Variants in RALGPS1 observed in about 807,000 individuals in gnomAD.
RALGPS1 encodes the protein ras-specific guanine nucleotide-releasing factor RalGPS1.
RALGPS1 carries 19 observed loss-of-function variants against 78.8 expected under a neutral mutation model. The observed-to-expected ratio is 0.24, with a 90% CI of 0.17 to 0.35. The LOEUF is 0.35. Ranked by LOEUF, RALGPS1 falls within the 10% of genes least tolerant of loss-of-function variation. RALGPS1 has a pLI of 1.00. For synonymous variants in RALGPS1, 228 were observed against 256.3 expected, an observed-to-expected ratio of 0.89 and a Z score of 1.06; for missense variants, 454 against 688.3, an observed-to-expected ratio of 0.66 and a Z score of 3.81.
Position 127,195,188 on chromosome 9 carries a change from A to G in RALGPS1, c.1008A>G (p.Arg336=). 6.2e-7 allele frequency: 1 copy of G among 1,612,008 alleles called. No homozygotes were observed. The highest frequency in any genetic ancestry group is 8.5e-7 in the Non-Finnish European group (1 of 1,179,972). ...AGSLPTPPVP[R]HRKSHSLGNN... is the part of the protein sequence containing the mutation. Reference sequence around the variant, plus strand: ...GCCTCCCCACACCTCCAGTCCCCAGACACAGGAAGAGCCACAGCCTAGGCA... The same window carrying G: ...GCCTCCCCACACCTCCAGTCCCCAGGCACAGGAAGAGCCACAGCCTAGGCA... Residue 336 remains arginine, a synonymous_variant, in exon 12 of 19, where the codon AGA becomes AGG. Transcript: ENST00000259351.
intron 11 of RALGPS1, among the ~76,000 whole-genome samples, chr9:127,176,354 C>G (rs1483810058): frequency 2.0e-5 from 3 of 152,140 alleles, no homozygotes; most frequent in Non-Finnish European, 4.4e-5. Context: ...AACACCTTCC[C>G]CCTCGGTCAG....
intron 7 of RALGPS1, among the ~76,000 whole-genome samples, chr9:127,062,257 C>T (rs1174460098): frequency 6.6e-6 from 1 of 152,042 alleles, no homozygotes; most frequent in African/African-American, 2.4e-5. Context: ...ACCACCATGC[C>T]CGGCTAATTT....
chr9:126,958,875 C>T (rs2038614380), intron 1 of RALGPS1, among the ~76,000 whole-genome samples: 1 of 152,182 alleles, frequency 6.6e-6, no homozygotes, highest in South Asian at 2.1e-4. Flanking sequence ...ATTCTGCCTT[C>T]CCACCAGCAA....
At chr9:127,074,895 T>C (rs964639607) in intron 8 of RALGPS1, among the ~76,000 whole-genome samples, 1 of 152,248 alleles carries the variant, frequency 6.6e-6, no homozygotes, top group Admixed American at 6.5e-5. Context: ...ACCTGTGTCC[T>C]CTGGCTATTT....
intron 3 of RALGPS1, among the ~76,000 whole-genome samples, chr9:126,968,791 A>G (rs886161269): frequency 2.6e-5 from 4 of 152,186 alleles, no homozygotes; most frequent in African/African-American, 9.6e-5. Flanking sequence ...GCTCATGCCT[A>G]TAATCCCAGC....
At chr9:127,190,875 T>G (rs2060990213) in intron 11 of RALGPS1, among the ~76,000 whole-genome samples, 1 of 152,216 alleles carries the variant, frequency 6.6e-6, no homozygotes, top group Non-Finnish European at 1.5e-5. Context: ...TTCCTGTTCC[T>G]CCCCTTCTGC....
At chr9:126,960,796 A>C (rs2038838791) in intron 1 of RALGPS1, among the ~76,000 whole-genome samples, 1 of 151,952 alleles carries the variant, frequency 6.6e-6, no homozygotes, top group Non-Finnish European at 1.5e-5. Flanking sequence ...CCTTCCCCCA[A>C]ATCTGCTATG....
chr9:127,213,992 A>C (rs2062432530), intron 17 of RALGPS1: 2 of 152,180 alleles, frequency 1.3e-5, no homozygotes, highest in South Asian at 4.1e-4. Context: ...TAAATTACCA[A>C]GTTCTCTGCT....
intron 8 of RALGPS1, chr9:127,069,856 A>G (rs45449700): frequency 0.38 from 57,198 of 152,238 alleles, 12,594 homozygotes; most frequent in Non-Finnish European, 0.48. Context: ...TATTTGCTTC[A>G]TATCTTATTG....
At position 127,004,255 on chromosome 9, in the gene RALGPS1, C is replaced by T. The variant is rs144902087; in HGVS notation, c.216+26510C>T. Among the ~76,000 whole-genome samples, 14 of 152,312 alleles carry T rather than the reference C, an allele frequency of 9.2e-5. No homozygotes were observed. In the East Asian group the frequency reaches 2.7e-3, roughly 29 times the overall value. ...TTGCCTCTCAGATTCAAGTGATTCT[C>T]CTGCCTCAGCCTCCCAAGCAGCTGG... On this transcript the variant is annotated intron_variant, in intron 4 of 18. Transcript: ENST00000259351.
intron 4 of RALGPS1, among the ~76,000 whole-genome samples, chr9:127,028,589 T>G (rs539930603): frequency 2.0e-5 from 3 of 152,298 alleles, no homozygotes; most frequent in African/African-American, 7.2e-5. Flanking sequence ...CCTGTGTGCC[T>G]CCTCCATCTG....
chr9:126,994,978 A>G (rs144622817), intron 4 of RALGPS1, among the ~76,000 whole-genome samples: 8,180 of 152,120 alleles, frequency 0.054, 251 homozygotes, highest in South Asian at 0.097. Flanking sequence ...ACAAGCAAAT[A>G]CTGAGAGATT....
rs145033346 is a variant in RALGPS1, at chr9:126,929,704, T to A, written c.-66+14729T>A. 8.0e-3 allele frequency among the ~76,000 whole-genome samples: 1,221 copies of A among 152,296 alleles called. 24 individuals are homozygous for A. The highest frequency in any genetic ancestry group is 0.028 in the African/African-American group (1,154 of 41,536). ...GTCTTGAACTCCCTACCTCAGGTAA[T>A]CTGCCTGCCTTGGCCTCCCAAAGTG... On this transcript the variant is annotated intron_variant, in intron 1 of 18. Transcript: ENST00000259351.
Position 127,188,832 on chromosome 9 carries a change from T to TTAAAAAAAAAAAAAAAAAAAAAAAAA in RALGPS1, c.911-6259_911-6258insTAAAAAAAAAAAAAAAAAAAAAAAAA, listed in dbSNP as rs756481918. On this transcript the variant is annotated intron_variant, in intron 11 of 18. Coordinates refer to ENST00000259351, the MANE Select transcript of RALGPS1 (RefSeq NM_014636.3). ...AAAGACTAAGAAACCCCATCTCTAC[T>TTAAAAAAAAAAAAAAAAAAAAAAAAA]AAAAAAAAAAAAAAAAATGTAGCCA... 9.4e-3 allele frequency among the ~76,000 whole-genome samples: 820 copies of TTAAAAAAAAAAAAAAAAAAAAAAAAA among 87,294 alleles called. 188 individuals are homozygous for TTAAAAAAAAAAAAAAAAAAAAAAAAA. The highest frequency in any genetic ancestry group is 0.036 in the Middle Eastern group (5 of 138). The allele number at this position is 87,294 out of a possible 152,430, so 57.3% of individuals were successfully genotyped here.
chr9:126,984,361 C>T (rs1264012772), intron 4 of RALGPS1, among the ~76,000 whole-genome samples: 1 of 152,202 alleles, frequency 6.6e-6, no homozygotes, highest in Non-Finnish European at 1.5e-5. Context: ...CCTCAGCCTC[C>T]CCAGTAGCTG....
intron 8 of RALGPS1, among the ~76,000 whole-genome samples, chr9:127,142,529 T>C (rs2057849367): frequency 6.6e-6 from 1 of 152,048 alleles, no homozygotes; most frequent in Non-Finnish European, 1.5e-5. Flanking sequence ...CCATGGAGTG[T>C]CCAAACAGGT....
rs562779860 is a variant in RALGPS1, at chr9:127,174,359, C to T, written c.843-356C>T. The stretch of plus-strand genomic sequence containing the variant: ...AAAAACTAACTCTGGTTCAGGGTCA[C>T]ACATTCCTGGGTTTGATCCCCTACT... On this transcript the variant is annotated intron_variant, in intron 10 of 18. Transcript: ENST00000259351. 5.4e-4 allele frequency among the ~76,000 whole-genome samples: 82 copies of T among 152,208 alleles called. 2 individuals carry two copies. The South Asian group carries it at 0.015, about 28-fold the overall frequency.
intron 4 of RALGPS1, among the ~76,000 whole-genome samples, chr9:126,979,241 ATGTGTGTGTGTGTGTGTGTGTG>A (rs57264470): frequency 6.8e-6 from 1 of 146,676 alleles, no homozygotes; most frequent in Admixed American, 6.8e-5. Context: ...TTGTATTATT[ATGTGTGTGTGTGTGTGTGTGTG>A]TGTGTGTGTG....
At chr9:127,064,210 T>C (rs1275795984) in intron 7 of RALGPS1, among the ~76,000 whole-genome samples, 7 of 152,228 alleles carry the variant, frequency 4.6e-5, no homozygotes, top group Admixed American at 4.6e-4. Context: ...AAGAATGGTT[T>C]TAGTATCTGT....
Sources: gnomAD v4.1 joint callset for allele counts (sites outside exome capture counted in the v4.1 genomes callset) on GRCh38, gnomAD v4.1.1 for gene constraint, MANE v1.5 for transcripts, NCBI Gene and HGNC (gene_info 2026-07-23, HGNC 2026-07-21) for gene names.